The following USH2A variants were observed in gnomAD, a reference collection of about 807,000 sequenced individuals.
USH2A encodes usherin, also known as Usher syndrome 2A (autosomal recessive, mild).
USH2A carries 443 observed loss-of-function variants against 538.9 expected under a neutral mutation model. The ratio of observed to expected loss-of-function variants is 0.82; its 90% confidence interval spans 0.76 to 0.89. The LOEUF (loss-of-function observed/expected upper bound fraction) is 0.89. Ranked by LOEUF, USH2A falls within the 40% of genes least tolerant of loss-of-function variation. The pLI is 0.00. For synonymous variants in USH2A, 2,413 were observed against 2,273.5 expected, an observed-to-expected ratio of 1.06 and a Z score of -1.75; for missense variants, 6,633 against 6,324.8, an observed-to-expected ratio of 1.05 and a Z score of -1.65.
chr1:216,318,982 C>T (rs866585120), intron 9 of USH2A, among the ~76,000 whole-genome samples: 5 of 152,076 alleles, frequency 3.3e-5, no homozygotes, highest in South Asian at 2.1e-4. Flanking sequence ...CAAGACAGGA[C>T]GTCACAAGCA....
At chr1:216,138,667 C>A (rs10495018) in intron 21 of USH2A, among the ~76,000 whole-genome samples, 1 of 152,040 alleles carries the variant, frequency 6.6e-6, no homozygotes, top group African/African-American at 2.4e-5. Flanking sequence ...TGACTCTGTT[C>A]TAGCAATAAC....
intron 11 of USH2A, among the ~76,000 whole-genome samples, chr1:216,254,722 A>G (rs2036227651): frequency 2.0e-5 from 3 of 152,128 alleles, no homozygotes; most frequent in African/African-American, 4.8e-5. Flanking sequence ...CAACCACCAC[A>G]TATGAGAGTG....
At chr1:215,763,504 G>A (rs1661039189) in intron 56 of USH2A, among the ~76,000 whole-genome samples, 1 of 151,818 alleles carries the variant, frequency 6.6e-6, no homozygotes, top group African/African-American at 2.4e-5. Flanking sequence ...AGAAATGTGG[G>A]CAAGGATGGC....
intron 11 of USH2A, among the ~76,000 whole-genome samples, chr1:216,268,303 A>G (rs1213551986): frequency 6.6e-6 from 1 of 152,104 alleles, no homozygotes. Context: ...AGAATTAACT[A>G]TACTCTGAAC....
At position 215,798,949 on chromosome 1, in the gene USH2A, ACT is replaced by A. The variant is rs1445411802; in HGVS notation, c.9914_9915del (p.Glu3305ValfsTer40). ...ACCACTCCTTCTTCTCCACCACAAC[ACT>A]CTAAATCGTTGCTCACAATCTGTCT... ...CGRQIVSNDL[E>X]CCGGEEGVVY... On this transcript the variant is annotated frameshift_variant, in exon 50 of 72. Transcript: ENST00000307340. LOFTEE classifies it high-confidence loss of function. 2 of 1,613,732 alleles carry A rather than the reference ACT, an allele frequency of 1.2e-6. No individual in the cohort carries two copies. Among genetic ancestry groups the A allele is most frequent in the Admixed American group, 1.7e-5 (1 of 59,958 alleles).
At chr1:215,690,455 T>C (rs1416651147) in intron 61 of USH2A, among the ~76,000 whole-genome samples, 1 of 152,178 alleles carries the variant, frequency 6.6e-6, no homozygotes, top group Non-Finnish European at 1.5e-5. Flanking sequence ...GGTGTGGTGA[T>C]GCAAACCTGC....
chr1:215,852,688 C>T (rs1291090467), intron 44 of USH2A, among the ~76,000 whole-genome samples: 1 of 152,162 alleles, frequency 6.6e-6, no homozygotes, highest in African/African-American at 2.4e-5. Flanking sequence ...TGGGTAAATA[C>T]AGCTGTTCCA....
chr1:215,757,687 T>C (rs933663281), intron 58 of USH2A, among the ~76,000 whole-genome samples: 2 of 152,232 alleles, frequency 1.3e-5, no homozygotes, highest in Non-Finnish European at 2.9e-5. Flanking sequence ...ACAGTATTAA[T>C]GCAGTCAGGA....
intron 21 of USH2A, among the ~76,000 whole-genome samples, chr1:216,136,827 G>T (rs917621210): frequency 6.6e-6 from 1 of 152,130 alleles, no homozygotes; most frequent in African/African-American, 2.4e-5. Flanking sequence ...ATCAAAGATT[G>T]CCAGCAAACC....
Position 216,086,750 on chromosome 1 carries a change from C to A in USH2A, c.4956G>T (p.Pro1652=), listed in dbSNP as rs201924343. The change falls in exon 24 of 72, where the codon CCG becomes CCT. Residue 1652 remains proline (P), a synonymous_variant. Coordinates refer to ENST00000307340, the MANE Select transcript of USH2A (RefSeq NM_206933.4). ...CCTTCCTGAGGATGGTATAACTTCG[C>A]GGGAGCCCTCCCAGAAAGACTCCTG... ...DNTGVFLGGL[P]RSYTILRKDP... The A allele has an allele frequency of 7.4e-6, 12 of 1,612,754 alleles. No individual in the cohort carries two copies. The highest frequency in any genetic ancestry group is 1.0e-5 in the Non-Finnish European group (12 of 1,179,274).
intron 49 of USH2A, among the ~76,000 whole-genome samples, chr1:215,805,681 A>G (rs1662480155): frequency 6.6e-6 from 1 of 152,148 alleles, no homozygotes; most frequent in Non-Finnish European, 1.5e-5. Flanking sequence ...ACCACCTTCC[A>G]GAATACTCTA....
intron 11 of USH2A, among the ~76,000 whole-genome samples, chr1:216,283,555 T>C (rs901944931): frequency 1.3e-5 from 2 of 152,232 alleles, no homozygotes; most frequent in African/African-American, 4.8e-5. Flanking sequence ...TATTGTTATC[T>C]TGCTTTTGAT....
At chr1:216,344,614 T>C (rs1373327745) in intron 4 of USH2A, among the ~76,000 whole-genome samples, 1 of 151,952 alleles carries the variant, frequency 6.6e-6, no homozygotes, top group Non-Finnish European at 1.5e-5. Flanking sequence ...CCAAAGGAAA[T>C]AGACTTCAGC....
intron 11 of USH2A, among the ~76,000 whole-genome samples, chr1:216,277,615 T>C (rs1032287340): frequency 6.6e-6 from 1 of 152,118 alleles, no homozygotes; most frequent in African/African-American, 2.4e-5. Context: ...AGAGATGACA[T>C]GCTCCCCATC....
chr1:216,354,834 A>G (rs114691404), intron 4 of USH2A, among the ~76,000 whole-genome samples: 2,768 of 152,242 alleles, frequency 0.018, 89 homozygotes, highest in African/African-American at 0.061. Flanking sequence ...AAGGAAAAAA[A>G]GAAAGAAAAG....
chr1:215,646,030 T>C (rs1656842213), intron 67 of USH2A, among the ~76,000 whole-genome samples: 1 of 152,058 alleles, frequency 6.6e-6, no homozygotes, highest in Non-Finnish European at 1.5e-5. Context: ...GCAAATACAA[T>C]AACGTCAAGT....
intron 51 of USH2A, 113 bp from the exon 52 acceptor site, chr1:215,786,987 T>C (rs1661821483): frequency 2.1e-6 from 2 of 943,232 alleles, no homozygotes; most frequent in Non-Finnish European, 3.2e-6. Context: ...ACTTACTTGA[T>C]GAATGAATAT....
chr1:216,271,337 T>A (rs932567199), intron 11 of USH2A, among the ~76,000 whole-genome samples: 2 of 152,104 alleles, frequency 1.3e-5, no homozygotes, highest in Non-Finnish European at 1.5e-5. Flanking sequence ...ATCCCGTCCT[T>A]ACTTAGAATA....
intron 2 of USH2A, among the ~76,000 whole-genome samples, chr1:216,421,236 A>T (rs566512092): frequency 6.6e-6 from 1 of 152,280 alleles, no homozygotes; most frequent in African/African-American, 2.4e-5. Flanking sequence ...AGAATCTCTC[A>T]CACTTACCTA....
Sources: allele counts gnomAD v4.1 joint callset (sites outside exome capture counted in the v4.1 genomes callset), GRCh38; gene constraint gnomAD v4.1.1; transcripts MANE v1.5; gene names NCBI Gene and HGNC (gene_info 2026-07-23, HGNC 2026-07-21).